The following MDGA2 variants were observed in gnomAD, a reference collection of about 807,000 sequenced individuals.
MDGA2 encodes the protein MAM domain-containing glycosylphosphatidylinositol anchor protein 2.
MDGA2 carries 40 observed loss-of-function variants against 117.8 expected under a neutral mutation model. The observed-to-expected ratio is 0.34, with a 90% CI of 0.26 to 0.44. MDGA2 has a LOEUF of 0.44. Ranked by LOEUF, MDGA2 falls within the 20% of genes least tolerant of loss-of-function variation. The probability of loss-of-function intolerance (pLI) is 1.00; values close to 1 mark genes in which losing one functional copy is unlikely to be tolerated. For missense variants in MDGA2, 1,123 were observed against 1,250.6 expected (o/e 0.90, Z 1.54); for synonymous variants, 452 against 439.0 (o/e 1.03, Z -0.37).
intron 7 of MDGA2, among the ~76,000 whole-genome samples, chr14:47,058,120 A>C (rs1196934517): frequency 6.6e-6 from 1 of 152,146 alleles, no homozygotes; most frequent in African/African-American, 2.4e-5. Context: ...CTCTACTTAA[A>C]AAATATCATT....
intron 2 of MDGA2, among the ~76,000 whole-genome samples, chr14:47,295,894 G>C (rs1451129753): frequency 1.3e-5 from 2 of 151,532 alleles, no homozygotes; most frequent in African/African-American, 4.8e-5. Flanking sequence ...GACAGAGTGA[G>C]ACTCTGTCTA....
chr14:47,340,550 C>T (rs1890591409), intron 1 of MDGA2, among the ~76,000 whole-genome samples: 1 of 152,138 alleles, frequency 6.6e-6, no homozygotes. Flanking sequence ...GTCTCTGATA[C>T]TGGTGGCACT....
intron 3 of MDGA2, among the ~76,000 whole-genome samples, chr14:47,209,008 A>G (rs1389468672): frequency 6.7e-6 from 1 of 149,216 alleles, no homozygotes; most frequent in Non-Finnish European, 1.5e-5. Context: ...TTATAAGAGT[A>G]ACAACCTAGA....
At chr14:47,193,827 T>C (rs1394210304) in intron 3 of MDGA2, among the ~76,000 whole-genome samples, 1 of 152,170 alleles carries the variant, frequency 6.6e-6, no homozygotes, top group African/African-American at 2.4e-5. Flanking sequence ...CACTTGTCAT[T>C]TATTATAAAA....
At chr14:47,531,977 T>C (rs1341606716) in intron 1 of MDGA2, among the ~76,000 whole-genome samples, 3 of 152,136 alleles carry the variant, frequency 2.0e-5, no homozygotes, top group Non-Finnish European at 4.4e-5. Flanking sequence ...TTGTAGAAAA[T>C]TGACCACCAT....
At chr14:47,158,363 G>GGTGT (rs34198544) in intron 3 of MDGA2, among the ~76,000 whole-genome samples, 4,789 of 146,746 alleles carry the variant, frequency 0.033, 99 homozygotes, top group Middle Eastern at 0.07. Context: ...CCCTGGGGTG[G>GGTGT]GTGTGTGTGT....
At chr14:46,949,701 G>A (rs552917738) in intron 9 of MDGA2, among the ~76,000 whole-genome samples, 1 of 151,916 alleles carries the variant, frequency 6.6e-6, no homozygotes, top group African/African-American at 2.4e-5. Context: ...TAATTTTTAT[G>A]GCTATATAGT....
At chr14:47,450,116 T>C (rs1893209908) in intron 1 of MDGA2, among the ~76,000 whole-genome samples, 2 of 152,126 alleles carry the variant, frequency 1.3e-5, no homozygotes, top group African/African-American at 4.8e-5. Context: ...TCTTTTTTCT[T>C]AATATCTATC....
intron 1 of MDGA2, among the ~76,000 whole-genome samples, chr14:47,478,520 G>A (rs1210467656): frequency 6.6e-6 from 1 of 151,844 alleles, no homozygotes; most frequent in Non-Finnish European, 1.5e-5. Flanking sequence ...GACTACAGGT[G>A]CCCGATACCA....
At chr14:46,996,629 G>C (rs1288207879) in intron 8 of MDGA2, 1 of 153,180 alleles carries the variant, frequency 6.5e-6, no homozygotes, top group Non-Finnish European at 1.5e-5. Flanking sequence ...GAGATAATTA[G>C]ATATTGCAGA....
chr14:46,852,019 A>G (rs12886237), intron 15 of MDGA2, among the ~76,000 whole-genome samples: 2 of 151,848 alleles, frequency 1.3e-5, no homozygotes, highest in Non-Finnish European at 2.9e-5. Flanking sequence ...GTTTCCTTGA[A>G]CAATCAAGAT....
chr14:47,019,705 G>A (rs1888216761), intron 8 of MDGA2, among the ~76,000 whole-genome samples: 1 of 151,934 alleles, frequency 6.6e-6, no homozygotes, highest in African/African-American at 2.4e-5. Context: ...TTAGCCGGGC[G>A]TGGTGGCGGG....
At chr14:47,513,831 G>A (rs1036824262) in intron 1 of MDGA2, among the ~76,000 whole-genome samples, 16 of 152,084 alleles carry the variant, frequency 1.1e-4, no homozygotes, top group Admixed American at 2.6e-4. Context: ...AATTCAGTAA[G>A]TAACTCACAT....
chr14:47,513,414 G>A (rs866253419), intron 1 of MDGA2, among the ~76,000 whole-genome samples: 2 of 152,086 alleles, frequency 1.3e-5, no homozygotes, highest in South Asian at 2.1e-4. Context: ...CTCCTGATGT[G>A]GAAAATGTTG....
intron 1 of MDGA2, among the ~76,000 whole-genome samples, chr14:47,384,765 T>A (rs1002124417): frequency 6.6e-6 from 1 of 152,030 alleles, no homozygotes; most frequent in Non-Finnish European, 1.5e-5. Flanking sequence ...GAACAAAATA[T>A]TGCAAAAACA....
chr14:47,413,117 CA>C (rs1225373941), intron 1 of MDGA2, among the ~76,000 whole-genome samples: 1 of 152,084 alleles, frequency 6.6e-6, no homozygotes, highest in Non-Finnish European at 1.5e-5. Context: ...AGCCATATTT[CA>C]GTATTTCAAA....
chr14:47,044,655 C>T (rs1001839488), intron 7 of MDGA2, among the ~76,000 whole-genome samples: 1 of 152,128 alleles, frequency 6.6e-6, no homozygotes, highest in Non-Finnish European at 1.5e-5. Flanking sequence ...CACTGACACA[C>T]ACTTTTAAGT....
chr14:47,565,757 G>A (rs974470360), intron 1 of MDGA2, among the ~76,000 whole-genome samples: 4 of 152,160 alleles, frequency 2.6e-5, no homozygotes, highest in Non-Finnish European at 5.9e-5. Context: ...ATCCACTGGG[G>A]TCCATGTGCA....
chr14:46,989,685 GT>G (rs1322647697), intron 8 of MDGA2, among the ~76,000 whole-genome samples: 10 of 151,936 alleles, frequency 6.6e-5, no homozygotes, highest in Admixed American at 6.6e-4. Context: ...TATAGATTGT[GT>G]TTTTTTCAGA....
Sources: allele counts gnomAD v4.1 joint callset (sites outside exome capture counted in the v4.1 genomes callset), GRCh38; gene constraint gnomAD v4.1.1; transcripts MANE v1.5; gene names NCBI Gene and HGNC (gene_info 2026-07-23, HGNC 2026-07-21).